The following FOXN2 variants were observed in gnomAD, a reference collection of about 807,000 sequenced individuals.
FOXN2 encodes forkhead box N2.
In FOXN2, 19 loss-of-function variants were observed where a neutral mutation model predicts 41.2. That is an observed-to-expected ratio of 0.46 (90% CI 0.32 to 0.68). FOXN2 has a LOEUF of 0.68. Ranked by LOEUF, FOXN2 falls within the 30% of genes least tolerant of loss-of-function variation. The probability of loss-of-function intolerance (pLI) is 0.03; values close to 1 mark genes in which losing one functional copy is unlikely to be tolerated. For synonymous variants in FOXN2, 195 were observed against 176.8 expected, an observed-to-expected ratio of 1.10 and a Z score of -0.82; for missense variants, 587 against 509.4, an observed-to-expected ratio of 1.15 and a Z score of -1.47.
intron 1 of FOXN2, among the ~76,000 whole-genome samples, chr2:48,315,937 C>G (rs761115808): frequency 1.6e-4 from 24 of 152,210 alleles, no homozygotes; most frequent in Non-Finnish European, 3.1e-4. Flanking sequence ...TCTCCTACCC[C>G]AACTCCGAGG....
chr2:48,358,726 T>A (rs1347768641), intron 3 of FOXN2, among the ~76,000 whole-genome samples: 1 of 152,218 alleles, frequency 6.6e-6, no homozygotes, highest in Admixed American at 6.5e-5. Context: ...AATTTTGTTG[T>A]TATCTAAATA....
At chr2:48,358,032 A>C (rs991897418) in intron 3 of FOXN2, among the ~76,000 whole-genome samples, 3 of 152,180 alleles carry the variant, frequency 2.0e-5, no homozygotes, top group African/African-American at 7.2e-5. Context: ...AATTGCCAGC[A>C]TAGTAAAAAA....
At chr2:48,339,658 C>T (rs949260446) in intron 2 of FOXN2, among the ~76,000 whole-genome samples, 22 of 152,286 alleles carry the variant, frequency 1.4e-4, no homozygotes, top group African/African-American at 5.3e-4. Flanking sequence ...GGTATATACA[C>T]TCCTGGTTAG....
At chr2:48,370,700 A>C (rs543951805) in intron 5 of FOXN2, among the ~76,000 whole-genome samples, 50 of 152,052 alleles carry the variant, frequency 3.3e-4, no homozygotes, top group Non-Finnish European at 6.3e-4. Context: ...TATATTGTAG[A>C]TGTTAATCCC....
At chr2:48,337,291 CTT>C (rs368224826) in intron 2 of FOXN2, among the ~76,000 whole-genome samples, 11 of 140,470 alleles carry the variant, frequency 7.8e-5, no homozygotes, top group Non-Finnish European at 7.7e-5. Context: ...GATTGGATCT[CTT>C]TTTTTTTTTT....
At chr2:48,344,024 A>C (rs1477607781) in intron 2 of FOXN2, among the ~76,000 whole-genome samples, 4 of 152,198 alleles carry the variant, frequency 2.6e-5, no homozygotes, top group African/African-American at 9.7e-5. Context: ...TCCCTTCTTT[A>C]ACTGAACACT....
In FOXN2 at chr2:48,374,916, A is replaced by C; in HGVS notation, c.773-4A>C. 6.3e-7 allele frequency: 1 copy of C among 1,592,372 alleles called. No individual in the cohort carries two copies. Among genetic ancestry groups the C allele is most frequent in the Non-Finnish European group, 8.6e-7 (1 of 1,168,266 alleles). On this transcript the variant is annotated splice_polypyrimidine_tract_variant and splice_region_variant and intron_variant, in intron 6 of 6. Transcript: ENST00000340553. ...CCTATTGATGGAACTTTTATTTTCC[A>C]CAGGTGAGAAGCCTCTTCCTCTTAA...
Position 48,375,635 on chromosome 2 carries a change from A to G in FOXN2, c.*192A>G. On this transcript the variant is annotated 3_prime_UTR_variant, in exon 7 of 7. Coordinates refer to ENST00000340553, the MANE Select transcript of FOXN2 (RefSeq NM_002158.4). ...TAGGATCATGCCTGATCAGAAATAC[A>G]TGATGTGAAGTCCTAAAAGCATAAT... 1.3e-5 allele frequency: 7 copies of G among 541,018 alleles called. No individual in the cohort carries two copies. The highest frequency in any genetic ancestry group is 1.9e-5 in the African/African-American group (1 of 53,196). 33.5% of individuals were successfully genotyped at this position (541,018 alleles called of 1,614,324 possible).
chr2:48,363,718 A>G (rs1672348866), intron 5 of FOXN2, among the ~76,000 whole-genome samples: 1 of 152,244 alleles, frequency 6.6e-6, no homozygotes, highest in Non-Finnish European at 1.5e-5. Flanking sequence ...TTAGATACAC[A>G]AATACCATTT....
chr2:48,346,464 C>G lies in FOXN2; in HGVS notation c.250C>G (p.Pro84Ala). ...LGSEGLPIVS[P>A]LYDIEGDDVP... The stretch of plus-strand genomic sequence containing the variant: ...AAGTGAGGGTCTTCCAATTGTTAGT[C>G]CATTGTATGACATAGAGGGAGATGA... Residue 84 changes from proline to alanine, a missense_variant, in exon 3 of 7, where the codon CCA (proline) becomes GCA (alanine). By Grantham distance (27) the Pro-to-Ala change is conservative (BLOSUM62 -1). Transcript: ENST00000340553. 6.2e-7 allele frequency: 1 copy of G among 1,614,162 alleles called. No individual in the cohort carries two copies. The highest frequency in any genetic ancestry group is 8.5e-7 in the Non-Finnish European group (1 of 1,180,030).
chr2:48,361,859 C>A (rs10167097), intron 4 of FOXN2, among the ~76,000 whole-genome samples: 1 of 152,074 alleles, frequency 6.6e-6, no homozygotes, highest in African/African-American at 2.4e-5. Flanking sequence ...AGGAACATAC[C>A]TGTTTGCTAT....
At chr2:48,354,212 A>G (rs770378533) in intron 3 of FOXN2, among the ~76,000 whole-genome samples, 34 of 152,224 alleles carry the variant, frequency 2.2e-4, no homozygotes, top group Admixed American at 3.9e-4. Flanking sequence ...TGAATGGCCA[A>G]CAGTGTCAAA....
intron 1 of FOXN2, among the ~76,000 whole-genome samples, chr2:48,326,743 G>A (rs985935416): frequency 2.6e-5 from 4 of 152,190 alleles, no homozygotes; most frequent in Non-Finnish European, 5.9e-5. Context: ...ACAACACATA[G>A]TTTATTCAGC....
intron 4 of FOXN2, among the ~76,000 whole-genome samples, chr2:48,361,975 A>G (rs1672217814): frequency 2.0e-5 from 3 of 152,206 alleles, no homozygotes; most frequent in South Asian, 4.1e-4. Flanking sequence ...GCAAAACCAA[A>G]CAGTAACTAT....
chr2:48,355,638 T>C (rs1671746326), intron 3 of FOXN2, among the ~76,000 whole-genome samples: 1 of 152,160 alleles, frequency 6.6e-6, no homozygotes, highest in Non-Finnish European at 1.5e-5. Flanking sequence ...AAGCCAAATA[T>C]ACTTAGTTGC....
At chr2:48,314,455 C>T (rs1057387088), upstream of FOXN2, among the ~76,000 whole-genome samples, 11 of 152,382 alleles carry the variant, frequency 7.2e-5, no homozygotes, top group Non-Finnish European at 1.0e-4. Context: ...ACCCCCACCC[C>T]AGCCGCCGTG....
intron 4 of FOXN2, among the ~76,000 whole-genome samples, 185 bp from the exon 5 acceptor site, chr2:48,362,458 A>G (rs546563237): frequency 1.3e-5 from 2 of 152,212 alleles, no homozygotes; most frequent in Admixed American, 1.3e-4. Flanking sequence ...GGTCCCAGCC[A>G]CTCAGGCAGC....
Position 48,346,652 on chromosome 2 carries a change from T to G in FOXN2, c.438T>G (p.Phe146Leu). 2 of 1,614,150 alleles carry G rather than the reference T, an allele frequency of 1.2e-6. No individual in the cohort carries two copies. Among genetic ancestry groups the G allele is most frequent in the Non-Finnish European group, 1.7e-6 (2 of 1,179,998 alleles). ...KEIYSWILDH[F>L]PYFATAPTGW... ...TTTATAGCTGGATTCTGGACCATTT[T>G]CCATATTTTGCTACTGCACCAACAG... Residue 146 changes from phenylalanine to leucine, a missense_variant, in exon 3 of 7, where the codon TTT (phenylalanine) becomes TTG (leucine). By Grantham distance (22) the Phe-to-Leu change is conservative. Transcript: ENST00000340553.
chr2:48,335,619 A>T (rs1233931441), intron 2 of FOXN2, among the ~76,000 whole-genome samples: 1 of 151,898 alleles, frequency 6.6e-6, no homozygotes, highest in Non-Finnish European at 1.5e-5. Flanking sequence ...GCAGAAGTAA[A>T]TGATCAGAAG....
Sources: gnomAD v4.1 joint callset for allele counts (sites outside exome capture counted in the v4.1 genomes callset) on GRCh38, gnomAD v4.1.1 for gene constraint, MANE v1.5 for transcripts, NCBI Gene and HGNC (gene_info 2026-07-23, HGNC 2026-07-21) for gene names.